Variants in UNC13C observed in about 807,000 individuals in gnomAD.
The protein encoded by UNC13C is protein unc-13 homolog C.
Under a neutral mutation model 245.4 loss-of-function variants are expected in UNC13C, and 174 were observed. That is an observed-to-expected ratio of 0.71 (90% CI 0.63 to 0.80). The LOEUF (loss-of-function observed/expected upper bound fraction) is 0.80, where lower values mean the gene tolerates loss of function less well. UNC13C is among the 30% of genes least tolerant of loss of function. The pLI is 0.00. For missense variants in UNC13C, 2,829 were observed against 2,602.9 expected (o/e 1.09, Z -1.89); for synonymous variants, 992 against 895.1 (o/e 1.11, Z -1.93).
chr15:53,883,340 G>T, the UNC13C span, among the ~76,000 whole-genome samples: 1 of 152,186 alleles, frequency 6.6e-6, no homozygotes, highest in South Asian at 2.1e-4. Flanking sequence ...GTTGCTGTTT[G>T]CTTTGAAATA....
chr15:54,369,294 G>T (rs1210874023), intron 17 of UNC13C, among the ~76,000 whole-genome samples: 1 of 151,996 alleles, frequency 6.6e-6, no homozygotes, highest in African/African-American at 2.4e-5. Context: ...TTTGGGATAA[G>T]GTTAATTCGT....
intron 19 of UNC13C, among the ~76,000 whole-genome samples, chr15:54,429,486 A>G (rs2040825453): frequency 6.6e-6 from 1 of 151,776 alleles, no homozygotes; most frequent in Non-Finnish European, 1.5e-5. Flanking sequence ...GTATAGAAAC[A>G]TATAGTTATA....
chr15:54,113,230 G>C (rs1005823343), intron 2 of UNC13C, among the ~76,000 whole-genome samples: 2 of 152,150 alleles, frequency 1.3e-5, no homozygotes, highest in African/African-American at 2.4e-5. Context: ...GAAAAGGAGG[G>C]AGGGAAGGAG....
chr15:54,473,236 A>T (rs1596444576), intron 19 of UNC13C, among the ~76,000 whole-genome samples: 1 of 151,230 alleles, frequency 6.6e-6, no homozygotes, highest in Admixed American at 6.7e-5. Flanking sequence ...TTATTGATAC[A>T]TAATAATTAT....
chr15:54,188,113 C>T (rs1044488648), intron 4 of UNC13C, among the ~76,000 whole-genome samples: 5 of 152,114 alleles, frequency 3.3e-5, no homozygotes, highest in African/African-American at 7.2e-5. Flanking sequence ...CCTTCGAGCC[C>T]GGCCACACTG....
At chr15:53,970,353 G>A in the UNC13C span, among the ~76,000 whole-genome samples, 1 of 152,184 alleles carries the variant, frequency 6.6e-6, no homozygotes, top group African/African-American at 2.4e-5. Flanking sequence ...ACAGGCATGA[G>A]CCACTGAACT....
chr15:53,987,563 T>TTG (rs1894199197), intron 1 of UNC13C, among the ~76,000 whole-genome samples: 2 of 151,940 alleles, frequency 1.3e-5, no homozygotes, highest in Non-Finnish European at 2.9e-5. Flanking sequence ...TTTAATATGC[T>TTG]GCAGCACTAG....
chr15:54,487,668 G>A (rs144450650), intron 19 of UNC13C, among the ~76,000 whole-genome samples: 123 of 150,434 alleles, frequency 8.2e-4, no homozygotes, highest in African/African-American at 2.9e-3. Context: ...TTGGTAGGCT[G>A]AGGCAGGATA....
chr15:53,874,567 C>A, the UNC13C span, among the ~76,000 whole-genome samples: 16 of 152,090 alleles, frequency 1.1e-4, no homozygotes, highest in Non-Finnish European at 1.8e-4. Flanking sequence ...GATCCTTTAC[C>A]CAGAGAGGAC....
In UNC13C at chr15:54,515,145, G is replaced by GT. The variant is rs557947643; in HGVS notation, c.5457+3322dup. Among the ~76,000 whole-genome samples the GT allele has an allele frequency of 4.6e-5, 7 of 152,132 alleles. No individual in the cohort carries two copies. In the South Asian group the frequency reaches 1.5e-3, roughly 32 times the overall value. On this transcript the variant is annotated intron_variant, in intron 24 of 32. Transcript: ENST00000260323. ...CCTTTAGGAATGGAGTACAGAGTCT[G>GT]TTTTTTTAAAAAGCACCTCTGGTGA...
At chr15:53,916,204 A>G in the UNC13C span, among the ~76,000 whole-genome samples, 28 of 152,314 alleles carry the variant, frequency 1.8e-4, no homozygotes, top group East Asian at 5.4e-3. Flanking sequence ...CGTATTAGCT[A>G]TACCTAAACT....
chr15:54,077,207 T>C (rs1251769467), intron 2 of UNC13C, among the ~76,000 whole-genome samples: 1 of 152,110 alleles, frequency 6.6e-6, no homozygotes, highest in Non-Finnish European at 1.5e-5. Flanking sequence ...TTACTGAATA[T>C]CTTGCTTGGA....
At chr15:54,006,628 A>G (rs1895149224) in intron 1 of UNC13C, among the ~76,000 whole-genome samples, 1 of 152,228 alleles carries the variant, frequency 6.6e-6, no homozygotes, top group Non-Finnish European at 1.5e-5. Flanking sequence ...GAAAGGATAT[A>G]TAAAACAGGT....
chr15:54,491,137 A>G (rs1893682334), intron 19 of UNC13C, among the ~76,000 whole-genome samples: 1 of 152,166 alleles, frequency 6.6e-6, no homozygotes, highest in Non-Finnish European at 1.5e-5. Flanking sequence ...CCCAGTAAAC[A>G]TTTTTTGGTA....
At position 54,290,422 on chromosome 15, in the gene UNC13C, A is replaced by C. The variant is rs533257155; in HGVS notation, c.3819-3473A>C. Among the ~76,000 whole-genome samples, 4 of 152,258 alleles carry C rather than the reference A, an allele frequency of 2.6e-5. No individual in the cohort carries two copies. In the South Asian group the frequency reaches 8.3e-4, roughly 32 times the overall value. ...ATTTAATTAAAAAAATGAAAAAAACAGTCAACCAGAAATGCACAGAGACTC... is the reference window on the plus strand; with the variant it reads ...ATTTAATTAAAAAAATGAAAAAAACCGTCAACCAGAAATGCACAGAGACTC... On this transcript the variant is annotated intron_variant, in intron 10 of 32. Transcript: ENST00000260323.
In UNC13C at chr15:54,014,704, C is replaced by G; in HGVS notation, c.1801C>G (p.Pro601Ala). 1 of 1,613,772 alleles carries G rather than the reference C, an allele frequency of 6.2e-7. No individual in the cohort carries two copies. ...AGGAACAGCGACCCTGTATGACAGT[C>G]CCAAGGACCAGCATTTGAATGGAGG... ...QEGTATLYDSPKDQHLNGGVQ... is the reference protein window; with the variant it reads ...QEGTATLYDSAKDQHLNGGVQ... The change falls in exon 2 of 33, where the codon CCC becomes GCC. Residue 601 changes from proline to alanine, a missense_variant. Transcript: ENST00000260323.
chr15:54,532,047 G>A (rs62022419), intron 25 of UNC13C, among the ~76,000 whole-genome samples: 7,976 of 152,192 alleles, frequency 0.052, 353 homozygotes, highest in Admixed American at 0.13. Context: ...TATGTTCAGG[G>A]GTATATGTGC....
At chr15:54,294,191 A>G (rs1211201885) in intron 11 of UNC13C, 127 bp downstream of exon 11, 14 of 799,898 alleles carry the variant, frequency 1.8e-5, no homozygotes, top group Non-Finnish European at 2.5e-5. Flanking sequence ...TGAACTTTAG[A>G]TGATTCATTT....
At chr15:54,322,361 TG>T (rs2038185559) in intron 14 of UNC13C, among the ~76,000 whole-genome samples, 1 of 152,054 alleles carries the variant, frequency 6.6e-6, no homozygotes, top group Non-Finnish European at 1.5e-5. Flanking sequence ...AAGAGAATGC[TG>T]GGACTTTATA....
Sources: gnomAD v4.1 joint callset for allele counts (sites outside exome capture counted in the v4.1 genomes callset) on GRCh38, gnomAD v4.1.1 for gene constraint, MANE v1.5 for transcripts, NCBI Gene and HGNC (gene_info 2026-07-23, HGNC 2026-07-21) for gene names.